OR9Q1: variants seen among roughly 807,000 people sequenced by gnomAD.
OR9Q1 encodes olfactory receptor 9Q1.
For missense variants in OR9Q1, 374 were observed against 378.8 expected, an observed-to-expected ratio of 0.99 and a Z score of 0.11; for synonymous variants, 153 against 148.6, an observed-to-expected ratio of 1.03 and a Z score of -0.22.
At chr11:58,138,138 CCA>C (rs1363390446) in intron 2 of OR9Q1, among the ~76,000 whole-genome samples, 1 of 152,132 alleles carries the variant, frequency 6.6e-6, no homozygotes, top group Non-Finnish European at 1.5e-5. Flanking sequence ...CTGCCATCCC[CCA>C]ATCATGTCAC....
intron 2 of OR9Q1, among the ~76,000 whole-genome samples, chr11:58,062,641 C>T (rs949033411): frequency 2.0e-5 from 3 of 152,150 alleles, no homozygotes; most frequent in African/African-American, 7.2e-5. Context: ...ACCTGCTGTG[C>T]TGAATGAGAA....
chr11:58,078,287 A>G (rs182573929), intron 2 of OR9Q1: 1 of 152,310 alleles, frequency 6.6e-6, no homozygotes, highest in East Asian at 1.9e-4. Context: ...GGCAGGAAAC[A>G]CTAAGTTCCT....
intron 1 of OR9Q1, among the ~76,000 whole-genome samples, chr11:58,034,289 G>A (rs1247643863): frequency 4.0e-5 from 6 of 151,536 alleles, no homozygotes; most frequent in South Asian, 2.1e-4. Flanking sequence ...AGGCTTCACC[G>A]TATTAGCCAG....
intron 1 of OR9Q1, among the ~76,000 whole-genome samples, chr11:58,033,947 G>A (rs888157899): frequency 2.0e-5 from 3 of 152,036 alleles, no homozygotes; most frequent in Non-Finnish European, 4.4e-5. Flanking sequence ...AGTCCACAGT[G>A]AGTGTTCCAG....
chr11:58,160,292 A>G (rs1854445134), intron 2 of OR9Q1, among the ~76,000 whole-genome samples: 1 of 152,240 alleles, frequency 6.6e-6, no homozygotes, highest in Non-Finnish European at 1.5e-5. Flanking sequence ...CATGAGTGAT[A>G]ATAAATGATT....
intron 1 of OR9Q1, among the ~76,000 whole-genome samples, chr11:58,042,296 T>G (rs3974333): frequency 0.11 from 17,159 of 152,156 alleles, 1,517 homozygotes; most frequent in African/African-American, 0.22. Flanking sequence ...GTTTAAGTCT[T>G]TAATCCATCT....
At chr11:58,157,540 AGAAG>A (rs1854418983) in intron 2 of OR9Q1, among the ~76,000 whole-genome samples, 1 of 152,070 alleles carries the variant, frequency 6.6e-6, no homozygotes. Flanking sequence ...AAGGAAGAAA[AGAAG>A]GAAGGAAAAG....
chr11:58,175,729 G>A (rs935458480), intron 2 of OR9Q1, among the ~76,000 whole-genome samples: 1 of 151,792 alleles, frequency 6.6e-6, no homozygotes, highest in African/African-American at 2.4e-5. Flanking sequence ...GCACAGCGAC[G>A]AGTCAATGTA....
rs118124077 is a variant in OR9Q1, at chr11:58,147,918, A to G, written c.-14-31513A>G. Among the ~76,000 whole-genome samples the G allele has an allele frequency of 4.5e-3, 683 of 152,318 alleles. 25 individuals are homozygous for G. In the East Asian group the frequency reaches 0.086, roughly 19 times the overall value. ...ATTCTCTTAGAAATAGAATTCAGTC[A>G]GGAATTCTGGCATTGTTTTCTTTTT... On this transcript the variant is annotated intron_variant, in intron 2 of 2. Coordinates refer to ENST00000335397, the MANE Select transcript of OR9Q1 (RefSeq NM_001005212.4).
intron 2 of OR9Q1, chr11:58,171,222 T>A (rs1253688072): frequency 6.6e-6 from 1 of 152,258 alleles, no homozygotes; most frequent in Non-Finnish European, 1.5e-5. Context: ...CAGAAGCTGG[T>A]GACTGCATAT....
At chr11:58,111,147 C>T (rs1269775162) in intron 2 of OR9Q1, among the ~76,000 whole-genome samples, 3 of 152,100 alleles carry the variant, frequency 2.0e-5, no homozygotes, top group Non-Finnish European at 2.9e-5. Context: ...GAAATTGATG[C>T]ATATAAAATC....
At chr11:58,080,673 A>G (rs1306367999) in intron 2 of OR9Q1, among the ~76,000 whole-genome samples, 3 of 152,074 alleles carry the variant, frequency 2.0e-5, no homozygotes, top group South Asian at 2.1e-4. Context: ...CTTTTTAATA[A>G]TAACTATTCT....
intron 1 of OR9Q1, chr11:58,047,580 T>C (rs548457555): frequency 6.6e-6 from 1 of 151,818 alleles, no homozygotes; most frequent in Admixed American, 6.6e-5. Context: ...CAGTAAAAAA[T>C]TGATTAAGAG....
At chr11:58,027,177 A>G (rs2119900313) in intron 1 of OR9Q1, among the ~76,000 whole-genome samples, 1 of 152,348 alleles carries the variant, frequency 6.6e-6, no homozygotes, top group African/African-American at 2.4e-5. Flanking sequence ...ACGCATGCCC[A>G]ACCAAACCCT....
chr11:58,071,213 C>A (rs565201331), intron 2 of OR9Q1, among the ~76,000 whole-genome samples: 1 of 152,294 alleles, frequency 6.6e-6, no homozygotes, highest in South Asian at 2.1e-4. Context: ...AGGGGCTGGG[C>A]CTGTTGGCTC....
intron 2 of OR9Q1, among the ~76,000 whole-genome samples, chr11:58,094,631 T>G (rs1424702519): frequency 6.6e-6 from 1 of 152,236 alleles, no homozygotes; most frequent in East Asian, 1.9e-4. Flanking sequence ...TTTGAAACAT[T>G]TAGTGATATG....
At chr11:58,135,970 G>C (rs1353120504) in intron 2 of OR9Q1, among the ~76,000 whole-genome samples, 1 of 152,214 alleles carries the variant, frequency 6.6e-6, no homozygotes, top group Non-Finnish European at 1.5e-5. Context: ...TTAGCCCAGT[G>C]CTTTCGCTGC....
intron 2 of OR9Q1, among the ~76,000 whole-genome samples, chr11:58,132,369 C>G (rs1854149477): frequency 6.6e-6 from 1 of 152,188 alleles, no homozygotes; most frequent in Admixed American, 6.5e-5. Flanking sequence ...AGCTCTTCTT[C>G]TTACTACCTG....
At chr11:58,171,476 G>T (rs1854554463) in intron 2 of OR9Q1, 1 of 152,172 alleles carries the variant, frequency 6.6e-6, no homozygotes, top group African/African-American at 2.4e-5. Context: ...TGCAAATCAG[G>T]TCTCTAGGCA....
Sources: gnomAD v4.1 joint callset for allele counts (sites outside exome capture counted in the v4.1 genomes callset) on GRCh38, gnomAD v4.1.1 for gene constraint, MANE v1.5 for transcripts, NCBI Gene and HGNC (gene_info 2026-07-23, HGNC 2026-07-21) for gene names.